The following RSPH14 variants were observed in gnomAD, a reference collection of about 807,000 sequenced individuals.
RSPH14 encodes rhabdoid tumor deletion region gene 1.
Under a neutral mutation model 26.7 loss-of-function variants are expected in RSPH14, and 20 were observed. The ratio of observed to expected loss-of-function variants is 0.75; its 90% CI spans 0.53 to 1.09. The LOEUF is 1.09. Among genes scored for constraint, RSPH14 ranks in the 50% least tolerant of loss-of-function variants. RSPH14 has a pLI of 0.00. For synonymous variants in RSPH14, 177 were observed against 189.3 expected (o/e 0.93, Z 0.53); for missense variants, 449 against 457.2 (o/e 0.98, Z 0.16).
intron 4 of RSPH14, among the ~76,000 whole-genome samples, chr22:23,114,463 T>C (rs1020012612): frequency 2.0e-5 from 3 of 152,072 alleles, no homozygotes; most frequent in Admixed American, 6.5e-5. Flanking sequence ...CTGCAATGCC[T>C]TCCCTTCCCC....
intron 4 of RSPH14, chr22:23,096,180 G>A (rs2069117466): frequency 1.2e-6 from 2 of 1,613,088 alleles, no homozygotes; most frequent in African/African-American, 1.3e-5. Context: ...GACCTGGAGC[G>A]CATCGCCGCA....
At chr22:23,099,510 T>G (rs1325823837) in intron 4 of RSPH14, among the ~76,000 whole-genome samples, 4 of 152,224 alleles carry the variant, frequency 2.6e-5, no homozygotes, top group Admixed American at 2.6e-4. Context: ...GGCGCACCTG[T>G]CCCCTGAATG....
the RSPH14 span, among the ~76,000 whole-genome samples, chr22:23,166,923 G>A: frequency 2.4e-3 from 372 of 152,248 alleles, 1 homozygote; most frequent in Non-Finnish European, 3.9e-3. Context: ...TATGGAGCAC[G>A]CTCTTTGTGC....
At chr22:23,115,998 C>T (rs1011493655) in intron 4 of RSPH14, among the ~76,000 whole-genome samples, 5 of 152,242 alleles carry the variant, frequency 3.3e-5, no homozygotes, top group African/African-American at 4.8e-5. Flanking sequence ...AGGAAGGTGC[C>T]GCGCATGTGC....
chr22:23,065,894 AC>A (rs951702347), intron 4 of RSPH14, among the ~76,000 whole-genome samples: 2 of 150,736 alleles, frequency 1.3e-5, no homozygotes, highest in African/African-American at 4.9e-5. Context: ...CAGTGCAGAA[AC>A]CCCCCAACCC....
At chr22:23,129,749 G>A (rs543932248) in intron 4 of RSPH14, among the ~76,000 whole-genome samples, 5 of 151,248 alleles carry the variant, frequency 3.3e-5, no homozygotes, top group East Asian at 2.0e-4. Flanking sequence ...GTGAAACCCC[G>A]TCTCTACTAC....
intron 4 of RSPH14, among the ~76,000 whole-genome samples, chr22:23,104,685 T>C (rs2069408356): frequency 6.6e-6 from 1 of 152,180 alleles, no homozygotes; most frequent in Non-Finnish European, 1.5e-5. Flanking sequence ...CCTTGCTGAC[T>C]TGGGGATCCC....
At chr22:23,087,050 A>G (rs773317012) in intron 4 of RSPH14, among the ~76,000 whole-genome samples, 1 of 152,200 alleles carries the variant, frequency 6.6e-6, no homozygotes, top group Non-Finnish European at 1.5e-5. Context: ...CGAGGAGGAA[A>G]CCTGGTAATC....
chr22:23,166,827 C>G, the RSPH14 span, among the ~76,000 whole-genome samples: 4 of 152,298 alleles, frequency 2.6e-5, no homozygotes, highest in Non-Finnish European at 1.5e-5. Context: ...AACCCACTTG[C>G]AGTGGAAATT....
intron 4 of RSPH14, chr22:23,132,657 A>G (rs1374129028): frequency 2.6e-5 from 4 of 152,228 alleles, no homozygotes; most frequent in Non-Finnish European, 4.4e-5. Flanking sequence ...TAATGAGGAT[A>G]TAAATCACCT....
upstream of RSPH14, chr22:23,146,511 C>G (rs969870743): frequency 1.6e-5 from 24 of 1,515,412 alleles, no homozygotes; most frequent in Non-Finnish European, 2.0e-5. Context: ...TGCACCCAGC[C>G]TGGATCTGAT....
chr22:23,099,591 C>T (rs181668974), intron 4 of RSPH14, among the ~76,000 whole-genome samples: 59 of 152,344 alleles, frequency 3.9e-4, no homozygotes, highest in African/African-American at 1.0e-3. Flanking sequence ...ACACAGCTGG[C>T]GCTGGCGGGC....
the RSPH14 span, among the ~76,000 whole-genome samples, chr22:23,154,226 A>G: frequency 6.6e-6 from 1 of 151,950 alleles, no homozygotes; most frequent in African/African-American, 2.4e-5. Flanking sequence ...GTGCTCCCCT[A>G]CATGGCTAGC....
upstream of RSPH14, among the ~76,000 whole-genome samples, chr22:23,147,072 A>G (rs545710305): frequency 1.1e-4 from 16 of 152,330 alleles, no homozygotes; most frequent in South Asian, 3.1e-3. Context: ...GCTCCCCTGC[A>G]GTCATAGTTG....
intron 4 of RSPH14, chr22:23,122,706 T>TGG (rs1019784256): frequency 3.8e-5 from 10 of 261,680 alleles, no homozygotes; most frequent in African/African-American, 2.2e-4. Flanking sequence ...TGTACAGGTG[T>TGG]GGGGCAGCCT....
At chr22:23,115,830 C>T (rs941640469) in intron 4 of RSPH14, among the ~76,000 whole-genome samples, 2 of 152,252 alleles carry the variant, frequency 1.3e-5, no homozygotes, top group East Asian at 3.8e-4. Flanking sequence ...TCAGGAAATT[C>T]TGTTCAAGTT....
At chr22:23,069,724 C>T (rs2068291920) in intron 4 of RSPH14, among the ~76,000 whole-genome samples, 2 of 151,918 alleles carry the variant, frequency 1.3e-5, no homozygotes, top group African/African-American at 4.8e-5. Flanking sequence ...CGGGGGGCGG[C>T]GGCAGAGATG....
At chr22:23,179,947 T>C in the RSPH14 span, 1 of 288,958 alleles carries the variant, frequency 3.5e-6, no homozygotes, top group Non-Finnish European at 6.3e-6. Context: ...GCCCTCCGCA[T>C]CGTTGGGCCA....
upstream of RSPH14, chr22:23,146,087 C>T (rs1601879593): frequency 1.1e-6 from 1 of 911,320 alleles, no homozygotes. Context: ...AGACCCAGGT[C>T]TTCTGACTCC....
Sources: gnomAD v4.1 joint callset for allele counts (sites outside exome capture counted in the v4.1 genomes callset) on GRCh38, gnomAD v4.1.1 for gene constraint, MANE v1.5 for transcripts, NCBI Gene and HGNC (gene_info 2026-07-23, HGNC 2026-07-21) for gene names.